The following DGLUCY variants were observed in gnomAD, a reference collection of about 807,000 sequenced individuals.
The protein encoded by DGLUCY is D-glutamate cyclase.
Under a neutral mutation model 58.5 loss-of-function variants are expected in DGLUCY, and 58 were observed. That is an observed-to-expected ratio of 0.99 (90% confidence interval 0.80 to 1.23). The LOEUF (loss-of-function observed/expected upper bound fraction) is 1.23, where lower values mean the gene tolerates loss of function less well. Among genes scored for constraint, DGLUCY ranks in the 50% most tolerant of loss-of-function variants. The probability of loss-of-function intolerance (pLI) is 0.00; values close to 1 mark genes in which losing one functional copy is unlikely to be tolerated. For synonymous variants in DGLUCY, 325 were observed against 314.1 expected (o/e 1.03, Z -0.37); for missense variants, 779 against 784.7 (o/e 0.99, Z 0.09).
chr14:91,102,416 A>G (rs1016277156), intron 1 of DGLUCY, among the ~76,000 whole-genome samples: 1 of 152,060 alleles, frequency 6.6e-6, no homozygotes, highest in African/African-American at 2.4e-5. Flanking sequence ...AGCAGATCAT[A>G]ATGTCTAGAA....
At chr14:91,215,697 A>C (rs1286167798) in intron 13 of DGLUCY, 141 bp downstream of exon 13, 1 of 1,559,506 alleles carries the variant, frequency 6.4e-7, no homozygotes, top group East Asian at 2.4e-5. Context: ...CTTGAAGCAG[A>C]GGTCTCCTGG....
At chr14:91,089,385 G>A (rs2044272574) in intron 1 of DGLUCY, among the ~76,000 whole-genome samples, 1 of 152,228 alleles carries the variant, frequency 6.6e-6, no homozygotes, top group Admixed American at 6.5e-5. Context: ...GGAGTCTCTG[G>A]TTCTCATCAT....
At chr14:91,084,178 A>C (rs1595622124) in intron 1 of DGLUCY, among the ~76,000 whole-genome samples, 1 of 149,798 alleles carries the variant, frequency 6.7e-6, no homozygotes, top group Non-Finnish European at 1.5e-5. Context: ...AAGCATTAGC[A>C]GTTCTCTCCA....
intron 11 of DGLUCY, among the ~76,000 whole-genome samples, chr14:91,201,350 A>C (rs549688561): frequency 6.6e-6 from 1 of 151,846 alleles, no homozygotes; most frequent in Admixed American, 6.6e-5. Context: ...CCTGTCTCAA[A>C]TGCAGTGGCG....
chr14:91,148,826 G>A (rs2047150686), intron 1 of DGLUCY: 2 of 152,372 alleles, frequency 1.3e-5, no homozygotes, highest in East Asian at 1.9e-4. Flanking sequence ...CAGTGTACCT[G>A]TAGTAGCAGC....
At chr14:91,093,513 G>T (rs2044346556) in intron 1 of DGLUCY, among the ~76,000 whole-genome samples, 1 of 152,196 alleles carries the variant, frequency 6.6e-6, no homozygotes, top group African/African-American at 2.4e-5. Flanking sequence ...TGGGCATGGT[G>T]GTTCATGCCT....
At chr14:91,071,832 C>T (rs1305703422) in intron 1 of DGLUCY, among the ~76,000 whole-genome samples, 5 of 150,722 alleles carry the variant, frequency 3.3e-5, no homozygotes, top group Non-Finnish European at 7.4e-5. Flanking sequence ...CGCGCCACTG[C>T]ACTCCAGCCT....
At chr14:91,089,613 G>A (rs1352020223) in intron 1 of DGLUCY, among the ~76,000 whole-genome samples, 1 of 152,138 alleles carries the variant, frequency 6.6e-6, no homozygotes, top group Non-Finnish European at 1.5e-5. Flanking sequence ...CTTGAGATCA[G>A]GAGTTTGAGA....
At position 91,224,835 on chromosome 14, in the gene DGLUCY, C is replaced by T. The variant is rs764115984; in HGVS notation, c.*2C>T. 1.2e-5 allele frequency: 20 copies of T among 1,603,684 alleles called. No individual in the cohort carries two copies. Among genetic ancestry groups the T allele is most frequent in the African/African-American group, 6.7e-5 (5 of 74,682 alleles). On this transcript the variant is annotated 3_prime_UTR_variant, in exon 14 of 14. Coordinates refer to ENST00000256324, the MANE Select transcript of DGLUCY (RefSeq NM_001102368.3). ...GACGTCACCACGGCACAGGTGTAACCGTCCATGTTCCGTGTGAGCAGAGTC... is the reference window on the plus strand; with the variant it reads ...GACGTCACCACGGCACAGGTGTAACTGTCCATGTTCCGTGTGAGCAGAGTC...
At chr14:91,082,998 T>G (rs1271876081) in intron 1 of DGLUCY, among the ~76,000 whole-genome samples, 1 of 152,150 alleles carries the variant, frequency 6.6e-6, no homozygotes, top group Non-Finnish European at 1.5e-5. Context: ...GCTCAAGTGA[T>G]CCTCCTGCGT....
In DGLUCY at chr14:91,225,216, T is replaced by A. The variant is rs1221270389; in HGVS notation, c.*383T>A. 2 of 160,036 alleles carry A rather than the reference T, an allele frequency of 1.2e-5. No individual in the cohort carries two copies. The highest frequency in any genetic ancestry group is 2.7e-5 in the Non-Finnish European group (2 of 73,680). 9.9% of individuals were successfully genotyped at this position (160,036 alleles called of 1,614,324 possible). The stretch of plus-strand genomic sequence containing the variant: ...TGAGAACAAACATTCCCAGGCCATG[T>A]AGGATAGGATACTCCAGACTCCAGT... On this transcript the variant is annotated 3_prime_UTR_variant, in exon 14 of 14. Transcript: ENST00000256324.
intron 1 of DGLUCY, among the ~76,000 whole-genome samples, chr14:91,079,550 C>T (rs1183863527): frequency 1.3e-5 from 2 of 152,028 alleles, no homozygotes; most frequent in African/African-American, 4.8e-5. Flanking sequence ...GACGGGGTTT[C>T]GCCATATGGG....
intron 1 of DGLUCY, among the ~76,000 whole-genome samples, chr14:91,080,890 C>G (rs1284401094): frequency 2.0e-5 from 3 of 152,124 alleles, no homozygotes; most frequent in Non-Finnish European, 4.4e-5. Flanking sequence ...AAAAAGAGCT[C>G]CTCTTCATTC....
At chr14:91,077,617 T>C (rs1194686801) in intron 1 of DGLUCY, among the ~76,000 whole-genome samples, 2 of 151,232 alleles carry the variant, frequency 1.3e-5, no homozygotes, top group Non-Finnish European at 3.0e-5. Context: ...CTGGGTATAG[T>C]GGCATGCGCC....
chr14:91,162,915 A>AT (rs2048072470), intron 3 of DGLUCY, among the ~76,000 whole-genome samples: 1 of 150,394 alleles, frequency 6.6e-6, no homozygotes, highest in South Asian at 2.1e-4. Flanking sequence ...AAAAAAAAAA[A>AT]GGAAACAAAG....
At chr14:91,222,742 T>G (rs1488007436) in intron 13 of DGLUCY, among the ~76,000 whole-genome samples, 1 of 152,238 alleles carries the variant, frequency 6.6e-6, no homozygotes, top group African/African-American at 2.4e-5. Context: ...TCATCACCTC[T>G]GATCCTAGTT....
intron 5 of DGLUCY, among the ~76,000 whole-genome samples, chr14:91,172,689 C>T (rs1325724935): frequency 3.3e-5 from 5 of 151,770 alleles, no homozygotes; most frequent in Non-Finnish European, 7.4e-5. Context: ...CTCTGTCACC[C>T]AGGCCGGAGT....
intron 2 of DGLUCY, among the ~76,000 whole-genome samples, chr14:91,159,756 T>C (rs1255007761): frequency 6.6e-6 from 1 of 152,204 alleles, no homozygotes; most frequent in Non-Finnish European, 1.5e-5. Flanking sequence ...CGGCCTCTTA[T>C]TTCACTTGCG....
chr14:91,103,651 C>T (rs2044531267), upstream of DGLUCY, among the ~76,000 whole-genome samples: 2 of 152,164 alleles, frequency 1.3e-5, no homozygotes, highest in Admixed American at 1.3e-4. Flanking sequence ...GAAATTCACA[C>T]CTGCTGTTTC....
Sources: allele counts gnomAD v4.1 joint callset (sites outside exome capture counted in the v4.1 genomes callset), GRCh38; gene constraint gnomAD v4.1.1; transcripts MANE v1.5; gene names NCBI Gene and HGNC (gene_info 2026-07-23, HGNC 2026-07-21).